Variants in CERS6 observed in about 807,000 individuals in gnomAD.
CERS6 encodes the protein ceramide synthase 6, also known as LAG1 homolog, ceramide synthase 6.
A neutral mutation model predicts 56.8 loss-of-function variants in CERS6; 26 were observed. The observed-to-expected ratio is 0.46, with a 90% CI of 0.34 to 0.63. CERS6 has a LOEUF of 0.63. CERS6 is among the 30% of genes least tolerant of loss of function. The pLI, the probability that CERS6 is intolerant of heterozygous loss-of-function variation, is 0.01. For missense variants in CERS6, 415 were observed against 467.5 expected (o/e 0.89, Z 1.04); for synonymous variants, 164 against 173.3 (o/e 0.95, Z 0.42).
intron 1 of CERS6, among the ~76,000 whole-genome samples, chr2:168,516,713 G>C (rs1468224460): frequency 2.0e-5 from 3 of 152,272 alleles, no homozygotes; most frequent in Non-Finnish European, 4.4e-5. Flanking sequence ...GTTGTTATTT[G>C]ATATGTGACC....
intron 3 of CERS6, among the ~76,000 whole-genome samples, chr2:168,620,978 G>C (rs190570936): frequency 6.6e-6 from 1 of 152,190 alleles, no homozygotes; most frequent in East Asian, 1.9e-4. Flanking sequence ...GCCCAGGCTA[G>C]TCTTGAACTC....
chr2:168,513,726 G>A (rs1694836910), intron 1 of CERS6, among the ~76,000 whole-genome samples: 1 of 152,184 alleles, frequency 6.6e-6, no homozygotes, highest in African/African-American at 2.4e-5. Flanking sequence ...CAGTCTTTGG[G>A]AAGAAATCAC....
At chr2:168,546,844 C>T (rs981321401) in intron 1 of CERS6, among the ~76,000 whole-genome samples, 1 of 152,132 alleles carries the variant, frequency 6.6e-6, no homozygotes, top group African/African-American at 2.4e-5. Context: ...GTCCCCACAC[C>T]TTTGGGGCCC....
intron 3 of CERS6, among the ~76,000 whole-genome samples, chr2:168,591,605 C>T (rs1683672973): frequency 6.6e-6 from 1 of 152,148 alleles, no homozygotes; most frequent in South Asian, 2.1e-4. Flanking sequence ...TGTTGTTTTT[C>T]ATAGTAGAGC....
chr2:168,552,330 C>T (rs1695587169), intron 2 of CERS6, among the ~76,000 whole-genome samples: 1 of 145,430 alleles, frequency 6.9e-6, no homozygotes, highest in African/African-American at 2.6e-5. Context: ...TAAGAAACCC[C>T]CACCCTACAT....
intron 4 of CERS6, among the ~76,000 whole-genome samples, chr2:168,684,637 A>G (rs186077004): frequency 5.3e-5 from 8 of 152,344 alleles, no homozygotes; most frequent in African/African-American, 1.9e-4. Context: ...GAAAAGAGAA[A>G]TAAGCAAAGA....
rs78192015 is a variant in CERS6 at position 168,726,206 on chromosome 2, C to T, written c.845+8228C>T. Among the ~76,000 whole-genome samples, 1,098 of 152,218 alleles carry T rather than the reference C, an allele frequency of 7.2e-3. 15 individuals are homozygous for T. Among genetic ancestry groups the T allele is most frequent in the African/African-American group, 0.025 (1,042 of 41,522 alleles). ...CAAAGAAAGATAGGTGCAATTTCTCCGTTAATACACAGAGAAAGGAGATTC... is the reference window on the plus strand; with the variant it reads ...CAAAGAAAGATAGGTGCAATTTCTCTGTTAATACACAGAGAAAGGAGATTC... On this transcript the variant is annotated intron_variant, in intron 8 of 9. Transcript: ENST00000305747.
chr2:168,719,410 A>G (rs974775389), intron 8 of CERS6, among the ~76,000 whole-genome samples: 15 of 152,226 alleles, frequency 9.9e-5, no homozygotes, highest in African/African-American at 3.4e-4. Context: ...TGTGTGTGAA[A>G]TAGTGACTCA....
At position 168,631,189 on chromosome 2, in the gene CERS6, C is replaced by T. The variant is rs113121364; in HGVS notation, c.465+147C>T. 2.7e-3 allele frequency: 1,304 copies of T among 476,722 alleles called. 18 individuals carry two copies. The highest frequency in any genetic ancestry group is 0.023 in the African/African-American group (1,137 of 49,660). The allele number at this position is 476,722 out of a possible 1,614,324, so 29.5% of individuals were successfully genotyped here. A position where few individuals can be genotyped will look rare whatever the true frequency, so the allele number is the denominator to read the frequency against. On this transcript the variant is annotated intron_variant, in intron 4 of 9. Transcript: ENST00000305747. Reference sequence around the variant, plus strand: ...TATTTGTGCATTTTCATTTGACTTACAAAAATATTTCGGATGTTGCTAAGT... The same window carrying T: ...TATTTGTGCATTTTCATTTGACTTATAAAAATATTTCGGATGTTGCTAAGT...
chr2:168,749,662 A>G (rs1250332583), intron 8 of CERS6, among the ~76,000 whole-genome samples: 2 of 16,730 alleles, frequency 1.2e-4, no homozygotes, highest in East Asian at 1.5e-3. Context: ...CTAATTTTTT[A>G]TTTTTTGTAG....
Position 168,589,480 on chromosome 2 carries a change from T to A in CERS6, c.407+28158T>A, listed in dbSNP as rs1009385702. 7.2e-5 allele frequency among the ~76,000 whole-genome samples: 11 copies of A among 152,338 alleles called. No homozygotes were observed. In the South Asian group the frequency reaches 8.3e-4, roughly 11 times the overall value. On this transcript the variant is annotated intron_variant, in intron 3 of 9. Coordinates refer to ENST00000305747, the MANE Select transcript of CERS6 (RefSeq NM_203463.3). ...TTCTCTGACTGCCTCCCTCGTTATA[T>A]AACAATGCAGCAAGTTCAAACAATA...
At chr2:168,477,023 T>C (rs949626596) in intron 1 of CERS6, among the ~76,000 whole-genome samples, 24 of 152,080 alleles carry the variant, frequency 1.6e-4, no homozygotes, top group African/African-American at 5.8e-4. Context: ...CAGAAATTTA[T>C]TTTTCATGGT....
At chr2:168,506,346 T>C (rs559660198) in intron 1 of CERS6, among the ~76,000 whole-genome samples, 1 of 152,302 alleles carries the variant, frequency 6.6e-6, no homozygotes, top group South Asian at 2.1e-4. Flanking sequence ...CAAAATTAAC[T>C]GAGATAGTCT....
chr2:168,698,236 GAAAAAAAAAAAAAAAAAA>G (rs1686711190), intron 6 of CERS6, among the ~76,000 whole-genome samples: 18 of 124,992 alleles, frequency 1.4e-4, no homozygotes, highest in Non-Finnish European at 2.7e-4. Flanking sequence ...TGTCTCACAG[GAAAAAAAAAAAAAAAAAA>G]GAAAAAAAAA....
chr2:168,696,602 G>C (rs141398113), intron 6 of CERS6, among the ~76,000 whole-genome samples: 80 of 152,288 alleles, frequency 5.3e-4, no homozygotes, highest in African/African-American at 1.9e-3. Flanking sequence ...GTTCTAGAAG[G>C]TGAGGTGCCC....
intron 6 of CERS6, among the ~76,000 whole-genome samples, chr2:168,697,283 G>T (rs1010272101): frequency 1.4e-4 from 21 of 152,152 alleles, no homozygotes; most frequent in African/African-American, 5.1e-4. Context: ...CCCGTAATTT[G>T]TGGTTCCCTT....
intron 8 of CERS6, among the ~76,000 whole-genome samples, chr2:168,756,182 T>A (rs965217963): frequency 5.9e-5 from 9 of 152,166 alleles, no homozygotes; most frequent in African/African-American, 2.2e-4. Flanking sequence ...GAGGCTGGTT[T>A]TATACTCTTT....
chr2:168,510,935 A>G (rs866121536), intron 1 of CERS6, among the ~76,000 whole-genome samples: 50 of 152,238 alleles, frequency 3.3e-4, no homozygotes, highest in African/African-American at 1.2e-3. Flanking sequence ...AAGCTAAGCA[A>G]AGTCCACAGC....
chr2:168,595,737 A>T (rs1683781523), intron 3 of CERS6, among the ~76,000 whole-genome samples: 1 of 152,246 alleles, frequency 6.6e-6, no homozygotes, highest in African/African-American at 2.4e-5. Flanking sequence ...GACATCAAAT[A>T]ACATCTAATG....
Sources: allele counts gnomAD v4.1 joint callset (sites outside exome capture counted in the v4.1 genomes callset), GRCh38; gene constraint gnomAD v4.1.1; transcripts MANE v1.5; gene names NCBI Gene and HGNC (gene_info 2026-07-23, HGNC 2026-07-21).